Variants in PDZRN3 observed in about 807,000 individuals in gnomAD.
PDZRN3 encodes the protein E3 ubiquitin-protein ligase PDZRN3.
In PDZRN3, 38 loss-of-function variants were observed where a neutral mutation model predicts 85.7. The ratio of observed to expected loss-of-function variants is 0.44; its 90% CI spans 0.34 to 0.58. The LOEUF (loss-of-function observed/expected upper bound fraction) is 0.58. PDZRN3 is among the 20% of genes least tolerant of loss of function. PDZRN3 has a pLI of 0.01. For synonymous variants in PDZRN3, 759 were observed against 638.0 expected (o/e 1.19, Z -2.86); for missense variants, 1,629 against 1,506.4 (o/e 1.08, Z -1.35).
chr3:73,583,812 AG>A, intron 3 of PDZRN3, among the ~76,000 whole-genome samples: 1 of 152,306 alleles, frequency 6.6e-6, no homozygotes, highest in East Asian at 1.9e-4. Flanking sequence ...CTCTGCTCAC[AG>A]GAATGCCATG....
chr3:73,440,841 A>T lies in PDZRN3; in HGVS notation c.919-36446T>A, dbSNP rs192075882. On this transcript the variant is annotated intron_variant, in intron 3 of 9. Coordinates refer to ENST00000263666, the MANE Select transcript of PDZRN3 (RefSeq NM_015009.3). ...TGTGGGAAATTCACAGCCTCTTAGGAACTTGGTTTCCCCTACTAACAGTCG... is the reference window on the plus strand; with the variant it reads ...TGTGGGAAATTCACAGCCTCTTAGGTACTTGGTTTCCCCTACTAACAGTCG... 3.3e-5 allele frequency among the ~76,000 whole-genome samples: 5 copies of T among 152,276 alleles called. No individual in the cohort carries two copies. The East Asian group carries it at 9.7e-4, about 29-fold the overall frequency.
intron 3 of PDZRN3, among the ~76,000 whole-genome samples, chr3:73,477,153 T>G (rs973241103): frequency 1.3e-5 from 2 of 152,216 alleles, no homozygotes; most frequent in Non-Finnish European, 2.9e-5. Context: ...ATACACCTCA[T>G]GGGGTTGTAT....
intron 3 of PDZRN3, among the ~76,000 whole-genome samples, chr3:73,468,149 G>T (rs1559695304): frequency 6.6e-6 from 1 of 151,586 alleles, no homozygotes; most frequent in African/African-American, 2.4e-5. Flanking sequence ...GAAGAGGGAG[G>T]CAGAGAGGAG....
intron 1 of PDZRN3, among the ~76,000 whole-genome samples, chr3:73,617,734 T>G (rs1445248281): frequency 6.6e-6 from 1 of 152,090 alleles, no homozygotes; most frequent in Non-Finnish European, 1.5e-5. Flanking sequence ...AGGGTCTCAC[T>G]CTGTTGCCCA....
chr3:73,595,680 C>A (rs572058560), intron 3 of PDZRN3, among the ~76,000 whole-genome samples: 166 of 152,170 alleles, frequency 1.1e-3, no homozygotes, highest in Admixed American at 1.6e-3. Flanking sequence ...AAGCAAAGAT[C>A]ACAGATTTAA....
intron 3 of PDZRN3, among the ~76,000 whole-genome samples, chr3:73,504,376 C>A (rs1220369480): frequency 6.6e-6 from 1 of 152,220 alleles, no homozygotes; most frequent in Non-Finnish European, 1.5e-5. Context: ...CAGCCCTTCT[C>A]AGGAGAACCA....
intron 3 of PDZRN3, among the ~76,000 whole-genome samples, chr3:73,529,205 C>T (rs992164196): frequency 2.6e-5 from 4 of 152,210 alleles, no homozygotes; most frequent in African/African-American, 9.7e-5. Context: ...CTTCTAAACA[C>T]GGACTAAGAA....
At chr3:73,539,319 CAGA>C (rs1159932469) in intron 3 of PDZRN3, among the ~76,000 whole-genome samples, 6 of 152,172 alleles carry the variant, frequency 3.9e-5, no homozygotes, top group Non-Finnish European at 5.9e-5. Context: ...TGGATGCTTA[CAGA>C]AGAAGTCATT....
chr3:73,551,057 T>C (rs1054441148), intron 3 of PDZRN3, among the ~76,000 whole-genome samples: 1 of 152,232 alleles, frequency 6.6e-6, no homozygotes, highest in African/African-American at 2.4e-5. Flanking sequence ...ATGTCATTCA[T>C]TTAAATTTGA....
chr3:73,599,846 A>G (rs1434463193), intron 3 of PDZRN3, among the ~76,000 whole-genome samples: 1 of 152,234 alleles, frequency 6.6e-6, no homozygotes, highest in Non-Finnish European at 1.5e-5. Flanking sequence ...CAGATGTGAG[A>G]GCATCTGACA....
intron 3 of PDZRN3, among the ~76,000 whole-genome samples, chr3:73,548,293 T>C (rs970398087): frequency 3.3e-5 from 5 of 152,188 alleles, no homozygotes; most frequent in East Asian, 1.9e-4. Context: ...AAGTTTCTTG[T>C]AACCAGCTCC....
intron 3 of PDZRN3, among the ~76,000 whole-genome samples, chr3:73,528,754 T>C (rs554039286): frequency 4.6e-5 from 7 of 152,252 alleles, no homozygotes; most frequent in Admixed American, 1.3e-4. Context: ...CGGGACTGGA[T>C]ATTGGTAAAG....
At chr3:73,518,162 TA>T (rs1704287524) in intron 3 of PDZRN3, among the ~76,000 whole-genome samples, 2 of 152,244 alleles carry the variant, frequency 1.3e-5, no homozygotes, top group Non-Finnish European at 2.9e-5. Context: ...AATGCCATAT[TA>T]TTTAGCCTTA....
intron 3 of PDZRN3, among the ~76,000 whole-genome samples, chr3:73,522,646 T>C (rs769709234): frequency 1.2e-4 from 18 of 152,334 alleles, no homozygotes; most frequent in Admixed American, 2.6e-4. Flanking sequence ...TTTTCCTCTT[T>C]GTTTTTGGAG....
chr3:73,532,888 G>GCC (rs1704691249), intron 3 of PDZRN3, among the ~76,000 whole-genome samples: 1 of 152,192 alleles, frequency 6.6e-6, no homozygotes. Context: ...TTATCATTCA[G>GCC]CCCTTCAGTG....
chr3:73,598,088 C>T (rs2106889926), intron 3 of PDZRN3, among the ~76,000 whole-genome samples: 1 of 152,084 alleles, frequency 6.6e-6, no homozygotes, highest in East Asian at 1.9e-4. Flanking sequence ...GTAAGATTGG[C>T]CTAAAGTAGA....
intron 3 of PDZRN3, among the ~76,000 whole-genome samples, chr3:73,520,031 C>T (rs1322626687): frequency 1.3e-5 from 2 of 152,148 alleles, no homozygotes; most frequent in African/African-American, 4.8e-5. Context: ...CCATCCATAC[C>T]TGTCAGCCCT....
Position 73,505,151 on chromosome 3 carries a change from G to C in PDZRN3, c.918+97203C>G, listed in dbSNP as rs375169759. The stretch of plus-strand genomic sequence containing the variant: ...ATGAGATTACGAAGCTGAAGGCAAA[G>C]ATTTTGCTTTTTAATTAAGAACTAA... On this transcript the variant is annotated intron_variant, in intron 3 of 9. Coordinates refer to ENST00000263666, the MANE Select transcript of PDZRN3 (RefSeq NM_015009.3). Among the ~76,000 whole-genome samples, 7 of 152,274 alleles carry C rather than the reference G, an allele frequency of 4.6e-5. No homozygotes were observed. In the East Asian group the frequency reaches 1.3e-3, roughly 29 times the overall value.
At chr3:73,404,058 T>A in intron 4 of PDZRN3, 90 bp downstream of exon 4, 1 of 1,251,724 alleles carries the variant, frequency 8.0e-7, no homozygotes. Context: ...AACTATAGGG[T>A]GCATTAATTT....
Sources: gnomAD v4.1 joint callset for allele counts (sites outside exome capture counted in the v4.1 genomes callset) on GRCh38, gnomAD v4.1.1 for gene constraint, MANE v1.5 for transcripts, NCBI Gene and HGNC (gene_info 2026-07-23, HGNC 2026-07-21) for gene names.